Variants in AGBL1 observed in about 807,000 individuals in gnomAD.
AGBL1 encodes AGBL carboxypeptidase 1.
AGBL1 carries 130 observed loss-of-function variants against 118.9 expected under a neutral mutation model. That is an observed-to-expected ratio of 1.09 (90% CI 0.95 to 1.26). AGBL1 has a LOEUF of 1.26. AGBL1 is among the 50% of genes most tolerant of loss of function. The probability of loss-of-function intolerance (pLI) is 0.00; values close to 1 mark genes in which losing one functional copy is unlikely to be tolerated. For synonymous variants in AGBL1, 555 were observed against 478.9 expected, an observed-to-expected ratio of 1.16 and a Z score of -2.08; for missense variants, 1,584 against 1,298.1, an observed-to-expected ratio of 1.22 and a Z score of -3.38.
intron 19 of AGBL1, among the ~76,000 whole-genome samples, chr15:86,528,557 G>C (rs1367134599): frequency 5.5e-5 from 8 of 144,922 alleles, no homozygotes; most frequent in Admixed American, 4.7e-4. Flanking sequence ...GCCCAGGCTT[G>C]CTTAGGTAAA....
In AGBL1 at chr15:86,716,812, G is replaced by T. The variant is rs1413736489; in HGVS notation, c.3158+42376G>T. Reference sequence around the variant, plus strand: ...TTTTAAATAAAGGACCTCATAGGTAGATTGGGAATCCAAATGAGGTGGGGA... The same window carrying T: ...TTTTAAATAAAGGACCTCATAGGTATATTGGGAATCCAAATGAGGTGGGGA... On this transcript the variant is annotated intron_variant, in intron 22 of 22. Transcript: ENST00000614907. Among the ~76,000 whole-genome samples the T allele has an allele frequency of 2.6e-5, 4 of 152,336 alleles. No homozygotes were observed. In the East Asian group the frequency reaches 7.7e-4, roughly 29 times the overall value.
chr15:86,526,585 A>G (rs1351186389), intron 19 of AGBL1, among the ~76,000 whole-genome samples: 2 of 141,838 alleles, frequency 1.4e-5, no homozygotes, highest in Non-Finnish European at 3.0e-5. Context: ...CACACAGAGT[A>G]TATATATGTA....
At position 86,372,096 on chromosome 15, in the gene AGBL1, C is replaced by T. The variant is rs543839998; in HGVS notation, c.2375-25270C>T. The stretch of plus-strand genomic sequence containing the variant: ...ATCCTGGTATAATGTGGCCTGGGGC[C>T]AGGCAGAGATGGTGGATAGGACAGA... On this transcript the variant is annotated intron_variant, in intron 17 of 22. Transcript: ENST00000614907. Among the ~76,000 whole-genome samples, 71 of 152,308 alleles carry T rather than the reference C, an allele frequency of 4.7e-4. 3 individuals carry two copies. In the South Asian group the frequency reaches 0.012, roughly 25 times the overall value.
chr15:86,856,736 A>T (rs1423540778), intron 22 of AGBL1, among the ~76,000 whole-genome samples: 2 of 152,236 alleles, frequency 1.3e-5, no homozygotes, highest in East Asian at 1.9e-4. Flanking sequence ...GAGTAACGCA[A>T]TGACCACTGT....
At chr15:86,617,115 CT>C (rs1054836279) in intron 21 of AGBL1, among the ~76,000 whole-genome samples, 3 of 152,126 alleles carry the variant, frequency 2.0e-5, no homozygotes, top group African/African-American at 7.2e-5. Flanking sequence ...AGCAAAGTAC[CT>C]TTGGCCTGAC....
chr15:86,179,516 C>T (rs918219339), intron 5 of AGBL1, among the ~76,000 whole-genome samples: 3 of 152,076 alleles, frequency 2.0e-5, no homozygotes, highest in African/African-American at 7.2e-5. Flanking sequence ...TCTACCATTT[C>T]CCAATAAAAA....
At chr15:86,738,903 C>T (rs1596428592) in intron 22 of AGBL1, among the ~76,000 whole-genome samples, 1 of 151,840 alleles carries the variant, frequency 6.6e-6, no homozygotes, top group Non-Finnish European at 1.5e-5. Context: ...GTTTGGGAGT[C>T]CAAGGCAGGA....
chr15:86,080,364 C>A, intron 1 of AGBL1: 1 of 191,874 alleles, frequency 5.2e-6, no homozygotes, highest in Non-Finnish European at 1.1e-5. Flanking sequence ...CTGAATAAGG[C>A]TGGAGACCTG....
chr15:86,565,154 C>A (rs1411997039), intron 21 of AGBL1, among the ~76,000 whole-genome samples: 1 of 152,232 alleles, frequency 6.6e-6, no homozygotes, highest in African/African-American at 2.4e-5. Context: ...CTCTGTCCAG[C>A]TTTGTTCCAT....
At chr15:86,191,500 G>A (rs2077721183) in intron 5 of AGBL1, among the ~76,000 whole-genome samples, 1 of 152,044 alleles carries the variant, frequency 6.6e-6, no homozygotes, top group South Asian at 2.1e-4. Context: ...AGCCCTGAAT[G>A]TAGAAGAAAA....
chr15:86,898,243 T>G (rs1187040154), intron 22 of AGBL1, among the ~76,000 whole-genome samples: 1 of 152,220 alleles, frequency 6.6e-6, no homozygotes, highest in Non-Finnish European at 1.5e-5. Flanking sequence ...GTAGCTTGAC[T>G]GTGTTTGGTG....
chr15:86,824,440 CTAAG>C (rs2078980452), intron 22 of AGBL1, among the ~76,000 whole-genome samples: 1 of 151,998 alleles, frequency 6.6e-6, no homozygotes, highest in South Asian at 2.1e-4. Context: ...AATTGAAAAT[CTAAG>C]TAAGCAGAGA....
intron 17 of AGBL1, among the ~76,000 whole-genome samples, chr15:86,342,260 T>C (rs1476990011): frequency 6.6e-6 from 1 of 152,200 alleles, no homozygotes; most frequent in South Asian, 2.1e-4. Flanking sequence ...CTTCCCTATA[T>C]AATTTGGTCA....
intron 6 of AGBL1, among the ~76,000 whole-genome samples, chr15:86,235,263 T>C (rs1023002073): frequency 6.6e-6 from 1 of 152,238 alleles, no homozygotes; most frequent in African/African-American, 2.4e-5. Flanking sequence ...CTATTGACTC[T>C]AATGTGTTTT....
At chr15:86,367,475 G>A (rs1001238683) in intron 17 of AGBL1, among the ~76,000 whole-genome samples, 2 of 152,076 alleles carry the variant, frequency 1.3e-5, no homozygotes, top group African/African-American at 4.8e-5. Flanking sequence ...GCTGGGGGCA[G>A]GGTGGTGGTG....
At chr15:86,946,854 A>C (rs927516859) in intron 23 of AGBL1, among the ~76,000 whole-genome samples, 14 of 151,522 alleles carry the variant, frequency 9.2e-5, no homozygotes, top group East Asian at 1.9e-4. Flanking sequence ...AAAAAAAAAA[A>C]AAAAAAACAA....
chr15:86,710,423 A>G (rs991364129), intron 22 of AGBL1, among the ~76,000 whole-genome samples: 1 of 152,170 alleles, frequency 6.6e-6, no homozygotes, highest in Non-Finnish European at 1.5e-5. Context: ...ACTGTGAACC[A>G]AGGTAGTTCT....
chr15:86,502,739 C>G (rs1467073908), intron 18 of AGBL1, among the ~76,000 whole-genome samples: 1 of 151,338 alleles, frequency 6.6e-6, no homozygotes, highest in Non-Finnish European at 1.5e-5. Context: ...ATACATTGAA[C>G]AAACCTTCCA....
intron 18 of AGBL1, among the ~76,000 whole-genome samples, chr15:86,498,234 T>C (rs1402753384): frequency 6.6e-6 from 1 of 151,912 alleles, no homozygotes; most frequent in Non-Finnish European, 1.5e-5. Flanking sequence ...ATTGCTTCCA[T>C]ATCTTGGTTT....
Sources: gnomAD v4.1 joint callset for allele counts (sites outside exome capture counted in the v4.1 genomes callset) on GRCh38, gnomAD v4.1.1 for gene constraint, MANE v1.5 for transcripts, NCBI Gene and HGNC (gene_info 2026-07-23, HGNC 2026-07-21) for gene names.